RNF17: variants seen among roughly 807,000 people sequenced by gnomAD.
RNF17 encodes spermatogenesis associated 23.
RNF17 carries 31 observed loss-of-function variants against 200.5 expected under a neutral mutation model. The observed-to-expected ratio is 0.15, with a 90% CI of 0.12 to 0.21. RNF17 has a LOEUF of 0.21. Ranked by LOEUF, RNF17 falls within the 10% of genes least tolerant of loss-of-function variation. RNF17 has a pLI of 1.00. For synonymous variants in RNF17, 606 were observed against 637.8 expected (o/e 0.95, Z 0.75); for missense variants, 1,628 against 1,905.1 (o/e 0.85, Z 2.71).
intron 6 of RNF17, among the ~76,000 whole-genome samples, chr13:24,787,438 G>A (rs1451566): frequency 0.86 from 130,617 of 152,184 alleles, 56,143 homozygotes; most frequent in Middle Eastern, 0.93. Context: ...GAAAATAGCT[G>A]CCTTCCCTTG....
In RNF17 at chr13:24,778,364, C is replaced by G; in HGVS notation, c.387C>G (p.Ala129=). The change falls in exon 4 of 36, where the codon GCC becomes GCG. Residue 129 remains alanine, a synonymous_variant. Transcript: ENST00000255324. ...TAACTACTGGTTTAGAACGTTCAGC[C>G]TCCACAGACAAGACTCTTTTGAACT... is the stretch of plus-strand genomic sequence containing the variant. ...DQLTTGLERS[A]STDKTLLNSS... 1 of 1,613,732 alleles carries G rather than the reference C, an allele frequency of 6.2e-7. No homozygotes were observed. The highest frequency in any genetic ancestry group is 8.5e-7 in the Non-Finnish European group (1 of 1,179,656).
chr13:24,764,525 C>A, intron 1 of RNF17, 192 bp downstream of exon 1: 1 of 376,864 alleles, frequency 2.7e-6, no homozygotes, highest in Non-Finnish European at 3.7e-6. Context: ...AAGGGCAGCA[C>A]CTGCGCCTGT....
chr13:24,785,107 C>T lies in RNF17; in HGVS notation c.612-2881C>T, dbSNP rs528301182. 2.0e-5 allele frequency among the ~76,000 whole-genome samples: 3 copies of T among 151,896 alleles called. No individual in the cohort carries two copies. In the South Asian group the frequency reaches 6.2e-4, roughly 32 times the overall value. On this transcript the variant is annotated intron_variant, in intron 6 of 35. Transcript: ENST00000255324. ...TTGTGTATTTATCTCTTCTCTTCTC[C>T]TTTATTTCCTTCCTTCTGCTTTGAG...
In RNF17 at chr13:24,877,072, T is replaced by A; in HGVS notation, c.4659T>A (p.Pro1553=). The A allele has an allele frequency of 1.2e-6, 2 of 1,613,326 alleles. No individual in the cohort carries two copies. Among genetic ancestry groups the A allele is most frequent in the East Asian group, 4.5e-5 (2 of 44,832 alleles). The change falls in exon 34 of 36, where the codon CCT becomes CCA. Residue 1553 remains proline (P), a synonymous_variant. Coordinates refer to ENST00000255324, the MANE Select transcript of RNF17 (RefSeq NM_031277.3). ...AIKVLLAGFK[P]PLRDLGETRI... ...AGGTTCTCTTGGCAGGGTTTAAACCTCCCTTAAGGGATCTAGGGGAGACAA... is the reference window on the plus strand; with the variant it reads ...AGGTTCTCTTGGCAGGGTTTAAACCACCCTTAAGGGATCTAGGGGAGACAA...
chr13:24,853,299 C>T (rs1048354889), intron 24 of RNF17, among the ~76,000 whole-genome samples: 1 of 151,986 alleles, frequency 6.6e-6, no homozygotes, highest in Non-Finnish European at 1.5e-5. Context: ...TTAATATTTC[C>T]TCCTAAGATT....
chr13:24,771,709 G>A (rs977698025), intron 2 of RNF17, among the ~76,000 whole-genome samples: 5 of 145,074 alleles, frequency 3.4e-5, no homozygotes, highest in African/African-American at 5.1e-5. Context: ...CAATACTTAC[G>A]TTTTTTTAAA....
At chr13:24,757,206 T>TCCTTGATTTACA in the RNF17 span, among the ~76,000 whole-genome samples, 2 of 152,030 alleles carry the variant, frequency 1.3e-5, no homozygotes, top group Admixed American at 6.5e-5. Flanking sequence ...TACAGAACAG[T>TCCTTGATTTACA]CCTTTCATCC....
intron 6 of RNF17, among the ~76,000 whole-genome samples, chr13:24,782,815 T>A (rs1566127532): frequency 6.6e-6 from 1 of 152,222 alleles, no homozygotes; most frequent in Non-Finnish European, 1.5e-5. Context: ...ATGAAATTTT[T>A]GTCTATATGA....
downstream of RNF17, chr13:24,882,233 GATAGATATATAGATACATCTATAT>G (rs1953883571): frequency 4.0e-5 from 2 of 50,410 alleles, no homozygotes; most frequent in South Asian, 5.1e-4. Context: ...CATCTATATA[GATAGATATATAGATACATCTATAT>G]ATAGATACAT....
At chr13:24,773,445 T>C (rs1174418786) in intron 2 of RNF17, among the ~76,000 whole-genome samples, 1 of 152,168 alleles carries the variant, frequency 6.6e-6, no homozygotes, top group African/African-American at 2.4e-5. Flanking sequence ...AGCAAATTAA[T>C]GCAGAAACAG....
At chr13:24,844,569 G>A (rs1166499605) in intron 20 of RNF17, 83 bp from the exon 21 acceptor site, 2 of 1,110,480 alleles carry the variant, frequency 1.8e-6, no homozygotes, top group Non-Finnish European at 2.6e-6. Flanking sequence ...AGCGGAATGA[G>A]CAAGCGGAGA....
At chr13:24,811,079 T>G (rs1351265979) in intron 15 of RNF17, among the ~76,000 whole-genome samples, 1 of 152,058 alleles carries the variant, frequency 6.6e-6, no homozygotes, top group East Asian at 1.9e-4. Context: ...TTAACATTTT[T>G]TCCTTCATTT....
At chr13:24,838,889 T>A (rs945765196) in intron 18 of RNF17, among the ~76,000 whole-genome samples, 18 of 152,122 alleles carry the variant, frequency 1.2e-4, no homozygotes, top group African/African-American at 4.3e-4. Context: ...ACTGTCACTG[T>A]TTGCTGATGA....
chr13:24,850,516 G>C, intron 23 of RNF17, 73 bp downstream of exon 23: 3 of 1,040,586 alleles, frequency 2.9e-6, no homozygotes, highest in Non-Finnish European at 4.3e-6. Context: ...TTTCTTTCTT[G>C]TAGAGAAAAT....
Position 24,764,340 on chromosome 13 carries a change from A to T in RNF17, c.130+7A>T. 6.3e-7 allele frequency: 1 copy of T among 1,576,544 alleles called. No homozygotes were observed. The highest frequency in any genetic ancestry group is 1.8e-5 in the Admixed American group (1 of 55,368). ...AGGGTATCCAGATCATCCGGTGAGG[A>T]GCCCAAGGGCCCACCTAGCGGGGAG... On this transcript the variant is annotated splice_region_variant and intron_variant, in intron 1 of 35. Coordinates refer to ENST00000255324, the MANE Select transcript of RNF17 (RefSeq NM_031277.3).
chr13:24,877,041 C>T lies in RNF17; in HGVS notation c.4628C>T (p.Ala1543Val). The change falls in exon 34 of 36, where the codon GCC (alanine) becomes GTC (valine). Residue 1543 changes from alanine (A) to valine (V), a missense_variant. Around this residue, in one of 5 missense-constraint regions of RNF17, gnomAD observed 609 missense variants for 681.9 expected, o/e 0.89. Coordinates refer to ENST00000255324, the MANE Select transcript of RNF17 (RefSeq NM_031277.3). ...PSHLMRYPAR[A>V]IKVLLAGFKP... Reference sequence around the variant, plus strand: ...CATCTTATGCGGTATCCAGCTCGAGCCATAAAGGTTCTCTTGGCAGGGTTT... The same window carrying T: ...CATCTTATGCGGTATCCAGCTCGAGTCATAAAGGTTCTCTTGGCAGGGTTT... The T allele has an allele frequency of 6.2e-7, 1 of 1,612,252 alleles. No individual in the cohort carries two copies. The highest frequency in any genetic ancestry group is 8.5e-7 in the Non-Finnish European group (1 of 1,179,508).
intron 15 of RNF17, among the ~76,000 whole-genome samples, chr13:24,813,236 T>A (rs1266319839): frequency 2.0e-5 from 3 of 152,154 alleles, no homozygotes; most frequent in African/African-American, 7.2e-5. Context: ...GTAAGCTCAC[T>A]GCAGCCTCAA....
intron 3 of RNF17, among the ~76,000 whole-genome samples, chr13:24,776,245 A>G (rs544856154): frequency 6.0e-4 from 91 of 152,202 alleles, no homozygotes; most frequent in African/African-American, 2.0e-3. Flanking sequence ...TTCTCATGTT[A>G]TTTTGTGTAG....
intron 15 of RNF17, among the ~76,000 whole-genome samples, chr13:24,813,449 C>T (rs1886996420): frequency 6.6e-6 from 1 of 152,156 alleles, no homozygotes; most frequent in African/African-American, 2.4e-5. Flanking sequence ...ATTCACCATG[C>T]CCAAACCTTT....
Sources: gnomAD v4.1 joint callset for allele counts (sites outside exome capture counted in the v4.1 genomes callset) on GRCh38, gnomAD v4.1.1 for gene constraint, gnomAD v4.1.1 regional missense constraint, MANE v1.5 for transcripts, NCBI Gene and HGNC (gene_info 2026-07-23, HGNC 2026-07-21) for gene names.